The following MAPKAP1 variants were observed in gnomAD, a reference collection of about 807,000 sequenced individuals.
MAPKAP1 encodes target of rapamycin complex 2 subunit MAPKAP1.
Under a neutral mutation model 65.7 loss-of-function variants are expected in MAPKAP1, and 20 were observed. That is an observed-to-expected ratio of 0.30 (90% CI 0.21 to 0.44). The LOEUF (loss-of-function observed/expected upper bound fraction) is 0.44. Ranked by LOEUF, MAPKAP1 falls within the 20% of genes least tolerant of loss-of-function variation. The pLI is 1.00. For missense variants in MAPKAP1, 423 were observed against 648.0 expected, an observed-to-expected ratio of 0.65 and a Z score of 3.77; for synonymous variants, 222 against 244.3, an observed-to-expected ratio of 0.91 and a Z score of 0.85.
intron 1 of MAPKAP1, among the ~76,000 whole-genome samples, chr9:125,676,186 G>A (rs1021835067): frequency 4.6e-5 from 7 of 152,070 alleles, no homozygotes; most frequent in African/African-American, 1.4e-4. Flanking sequence ...CTTTTTAGAC[G>A]GTAATTTGGT....
At chr9:125,644,331 C>T (rs1833664417) in intron 4 of MAPKAP1, among the ~76,000 whole-genome samples, 1 of 151,962 alleles carries the variant, frequency 6.6e-6, no homozygotes, top group Non-Finnish European at 1.5e-5. Context: ...GTAGGCAACT[C>T]ATCTATCGTA....
At chr9:125,697,999 T>TC (rs998325446) in intron 1 of MAPKAP1, among the ~76,000 whole-genome samples, 2 of 151,176 alleles carry the variant, frequency 1.3e-5, no homozygotes, top group African/African-American at 4.8e-5. Context: ...TTAATGACAG[T>TC]CCCAAGACAG....
chr9:125,507,185 CTG>C (rs1829166405), intron 7 of MAPKAP1, among the ~76,000 whole-genome samples: 1 of 152,230 alleles, frequency 6.6e-6, no homozygotes, highest in African/African-American at 2.4e-5. Flanking sequence ...TAATAAAACA[CTG>C]CAGCATTTTA....
At chr9:125,467,577 A>G (rs992028569) in intron 10 of MAPKAP1, among the ~76,000 whole-genome samples, 1 of 152,150 alleles carries the variant, frequency 6.6e-6, no homozygotes, top group African/African-American at 2.4e-5. Context: ...GCTTCCCTCC[A>G]TCTCACAGGG....
chr9:125,681,832 G>A (rs1337764854), intron 1 of MAPKAP1, among the ~76,000 whole-genome samples: 1 of 152,234 alleles, frequency 6.6e-6, no homozygotes, highest in Non-Finnish European at 1.5e-5. Context: ...GTGCAGTTGT[G>A]TGATCACAGC....
At chr9:125,492,285 A>G (rs920854609) in intron 8 of MAPKAP1, among the ~76,000 whole-genome samples, 2 of 152,184 alleles carry the variant, frequency 1.3e-5, no homozygotes, top group African/African-American at 2.4e-5. Context: ...CTAAAACCAA[A>G]AAGTTTGAGA....
rs1448957607 is a variant in MAPKAP1 at position 125,439,945 on chromosome 9, G to A, written c.1444-933C>T. The stretch of plus-strand genomic sequence containing the variant: ...GCTTCCAGAGGAAAAGAGTGAGCGG[G>A]CTTTTGAGGGATACACAGGAGTTTT... On this transcript the variant is annotated intron_variant, in intron 11 of 11. Transcript: ENST00000265960. The surrounding 1 kb of genome is among the most constrained non-coding windows in gnomAD (Gnocchi z 4.0). Among the ~76,000 whole-genome samples, 2 of 152,250 alleles carry A rather than the reference G, an allele frequency of 1.3e-5. No individual in the cohort carries two copies. The highest frequency in any genetic ancestry group is 4.8e-5 in the African/African-American group (2 of 41,466).
At chr9:125,571,850 C>T (rs1028781374) in intron 5 of MAPKAP1, among the ~76,000 whole-genome samples, 7 of 151,986 alleles carry the variant, frequency 4.6e-5, no homozygotes, top group Non-Finnish European at 7.4e-5. Flanking sequence ...TCGACGGGAG[C>T]GAGACTCTAT....
intron 6 of MAPKAP1, among the ~76,000 whole-genome samples, chr9:125,544,700 G>A (rs771193156): frequency 2.6e-5 from 4 of 152,134 alleles, no homozygotes; most frequent in Non-Finnish European, 4.4e-5. Flanking sequence ...GAGTTTGGTC[G>A]CATTCCCATT....
At chr9:125,538,935 T>C (rs1251447255) in intron 7 of MAPKAP1, among the ~76,000 whole-genome samples, 3 of 152,202 alleles carry the variant, frequency 2.0e-5, no homozygotes, top group South Asian at 2.1e-4. Flanking sequence ...GATGCCATCA[T>C]TGTCCCTCAG....
intron 9 of MAPKAP1, among the ~76,000 whole-genome samples, chr9:125,482,874 G>A (rs1854368306): frequency 6.6e-6 from 1 of 152,158 alleles, no homozygotes; most frequent in Admixed American, 6.5e-5. Flanking sequence ...AGCAGCTAAT[G>A]CTCACTAGGC....
intron 4 of MAPKAP1, among the ~76,000 whole-genome samples, chr9:125,589,483 G>T (rs1589317298): frequency 1.3e-5 from 2 of 152,152 alleles, no homozygotes; most frequent in Admixed American, 1.3e-4. Flanking sequence ...TGCCTGCCAG[G>T]ACACGTAGTA....
At chr9:125,505,980 C>A (rs757960921) in intron 8 of MAPKAP1, 2 of 324,958 alleles carry the variant, frequency 6.2e-6, no homozygotes, top group South Asian at 3.9e-5. Flanking sequence ...ACTGACAGGG[C>A]CAGCTGCTTT....
rs1317747612 is a variant in MAPKAP1 at position 125,447,436 on chromosome 9, G to A, written c.1346-2838C>T. 16 of 456,582 alleles carry A rather than the reference G, an allele frequency of 3.5e-5. No individual in the cohort carries two copies. Among genetic ancestry groups the A allele is most frequent in the South Asian group, 1.2e-4 (8 of 64,576 alleles). The allele number at this position is 456,582 out of a possible 1,614,324, so 28.3% of individuals were successfully genotyped here. On this transcript the variant is annotated intron_variant, in intron 10 of 11. Transcript: ENST00000265960. This position sits in a 1 kb window ranked among gnomAD's most constrained non-coding sequence, Gnocchi z 4.5. Reference sequence around the variant, plus strand: ...TCACTGGGCCGAGGCACGGTGGACAGCCACAGCAGACAGCCCCCTCTTGCT... The same window carrying A: ...TCACTGGGCCGAGGCACGGTGGACAACCACAGCAGACAGCCCCCTCTTGCT...
At chr9:125,552,199 GT>G (rs1374143288) in intron 6 of MAPKAP1, among the ~76,000 whole-genome samples, 1 of 152,158 alleles carries the variant, frequency 6.6e-6, no homozygotes, top group Non-Finnish European at 1.5e-5. Context: ...TTGAAGATTT[GT>G]TAAAAGAGGC....
chr9:125,695,670 G>A (rs1835361321), intron 1 of MAPKAP1, among the ~76,000 whole-genome samples: 1 of 151,348 alleles, frequency 6.6e-6, no homozygotes, highest in African/African-American at 2.4e-5. Flanking sequence ...ATGCGCATTT[G>A]AAAAAAACAA....
intron 1 of MAPKAP1, among the ~76,000 whole-genome samples, chr9:125,682,491 C>G (rs572889844): frequency 1.3e-5 from 2 of 152,300 alleles, no homozygotes; most frequent in Admixed American, 6.5e-5. Context: ...TTCAAACAAC[C>G]TAACCACCCA....
At chr9:125,562,827 C>T (rs1830930962) in intron 5 of MAPKAP1, among the ~76,000 whole-genome samples, 1 of 152,160 alleles carries the variant, frequency 6.6e-6, no homozygotes, top group African/African-American at 2.4e-5. Flanking sequence ...AGGTAGCTTG[C>T]TCAAGATTAA....
chr9:125,614,579 C>T (rs539917961), intron 4 of MAPKAP1, among the ~76,000 whole-genome samples: 2 of 152,200 alleles, frequency 1.3e-5, no homozygotes, highest in Admixed American at 6.5e-5. Context: ...GAGCCAAGAT[C>T]GCGCCATTGC....
Sources: gnomAD v4.1 joint callset for allele counts (sites outside exome capture counted in the v4.1 genomes callset) on GRCh38, gnomAD v4.1.1 for gene constraint, Gnocchi (gnomAD v3.1) non-coding constraint, MANE v1.5 for transcripts, NCBI Gene and HGNC (gene_info 2026-07-23, HGNC 2026-07-21) for gene names.